XIRP2: variants seen among roughly 807,000 people sequenced by gnomAD.
XIRP2 encodes the protein xin actin binding repeat containing 2.
XIRP2 carries 236 observed loss-of-function variants against 277.0 expected under a neutral mutation model. The ratio of observed to expected loss-of-function variants is 0.85; its 90% CI spans 0.77 to 0.95. The LOEUF (loss-of-function observed/expected upper bound fraction) is 0.95, where lower values mean the gene tolerates loss of function less well. Among genes scored for constraint, XIRP2 ranks in the 40% least tolerant of loss-of-function variants. The pLI is 0.00. For missense variants in XIRP2, 4,640 were observed against 4,157.5 expected (o/e 1.12, Z -3.19); for synonymous variants, 1,490 against 1,416.5 (o/e 1.05, Z -1.17).
In XIRP2 at chr2:167,170,920, G is replaced by A. The variant is rs1410757388; in HGVS notation, c.562+34858G>A. On this transcript the variant is annotated intron_variant, in intron 3 of 10. Coordinates refer to ENST00000409195, the MANE Select transcript of XIRP2 (RefSeq NM_152381.6). ...TTTTTTTTTTTTTTTTTTTTTTTGAGACAGAGTCTTTCTCTGTTGCCCAGG... is the reference window on the plus strand; with the variant it reads ...TTTTTTTTTTTTTTTTTTTTTTTGAAACAGAGTCTTTCTCTGTTGCCCAGG... 1.2e-4 allele frequency among the ~76,000 whole-genome samples: 12 copies of A among 96,226 alleles called. No individual in the cohort carries two copies. The East Asian group carries it at 3.9e-3, about 31-fold the overall frequency. 63.1% of individuals were successfully genotyped at this position (96,226 alleles called of 152,430 possible). A position where few individuals can be genotyped will look rare whatever the true frequency, so the allele number is the denominator to read the frequency against.
chr2:167,254,198 T>TC (rs755399294), intron 10 of XIRP2, 33 bp downstream of exon 10: 18 of 1,597,696 alleles, frequency 1.1e-5, no homozygotes, highest in Middle Eastern at 1.9e-4. Flanking sequence ...CCACAAATAT[T>TC]CCAGGAGCTG....
intron 3 of XIRP2, among the ~76,000 whole-genome samples, chr2:167,204,058 T>C (rs1305642858): frequency 2.6e-5 from 4 of 152,196 alleles, no homozygotes; most frequent in Non-Finnish European, 5.9e-5. Flanking sequence ...GCTTGCCTTC[T>C]TGAAGCTGGT....
intron 2 of XIRP2, among the ~76,000 whole-genome samples, chr2:166,962,489 A>T (rs185045714): frequency 6.6e-6 from 1 of 151,874 alleles, no homozygotes; most frequent in East Asian, 2.0e-4. Flanking sequence ...GGCAGAAAAA[A>T]TGCCTCATAC....
intron 3 of XIRP2, among the ~76,000 whole-genome samples, chr2:167,202,525 T>A (rs745471111): frequency 6.6e-6 from 1 of 152,196 alleles, no homozygotes; most frequent in African/African-American, 2.4e-5. Flanking sequence ...TAGAGTCTTA[T>A]CAGGTAGGCG....
At chr2:166,995,471 G>A (rs776673019) in intron 2 of XIRP2, among the ~76,000 whole-genome samples, 3 of 152,190 alleles carry the variant, frequency 2.0e-5, no homozygotes, top group Non-Finnish European at 4.4e-5. Flanking sequence ...CAATTTTAAA[G>A]ATGCAGAAGC....
chr2:166,974,594 G>A (rs1023815417), intron 2 of XIRP2, among the ~76,000 whole-genome samples: 1 of 151,862 alleles, frequency 6.6e-6, no homozygotes, highest in South Asian at 2.1e-4. Flanking sequence ...GTAGACTATG[G>A]TAATGATAAA....
chr2:167,177,736 C>G (rs1233370939), intron 3 of XIRP2, among the ~76,000 whole-genome samples: 1 of 152,134 alleles, frequency 6.6e-6, no homozygotes, highest in South Asian at 2.1e-4. Context: ...TGACAGTACT[C>G]TCGTATACCA....
At chr2:166,982,350 A>G (rs1170679574) in intron 2 of XIRP2, among the ~76,000 whole-genome samples, 2 of 150,252 alleles carry the variant, frequency 1.3e-5, no homozygotes, top group Non-Finnish European at 3.0e-5. Context: ...GTCTGGGTTA[A>G]TATTTACTGA....
chr2:167,172,964 C>T (rs565840343), intron 3 of XIRP2, among the ~76,000 whole-genome samples: 10 of 152,174 alleles, frequency 6.6e-5, no homozygotes, highest in East Asian at 5.8e-4. Flanking sequence ...TAAAGACAGG[C>T]GTAAGAAATT....
intron 2 of XIRP2, among the ~76,000 whole-genome samples, chr2:166,941,676 TC>T (rs1220758957): frequency 6.6e-6 from 1 of 152,204 alleles, no homozygotes; most frequent in African/African-American, 2.4e-5. Flanking sequence ...TCTATATTAT[TC>T]CTTAATGATG....
In XIRP2 at chr2:166,997,797, C is replaced by G. The variant is rs535701749; in HGVS notation, c.408+93907C>G. Among the ~76,000 whole-genome samples, 73 of 151,550 alleles carry G rather than the reference C, an allele frequency of 4.8e-4. No homozygotes were observed. In the South Asian group the frequency reaches 0.015, roughly 32 times the overall value. ...GCGGGCACCTGTAGTCCCAGCTACT[C>G]GGGAGGCTGAAGCAGGAGAATCACT... On this transcript the variant is annotated intron_variant, in intron 2 of 10. Coordinates refer to ENST00000409195, the MANE Select transcript of XIRP2 (RefSeq NM_152381.6).
At chr2:167,150,332 G>A (rs1440731101) in intron 3 of XIRP2, among the ~76,000 whole-genome samples, 1 of 151,968 alleles carries the variant, frequency 6.6e-6, no homozygotes, top group Non-Finnish European at 1.5e-5. Context: ...ATGATCACAT[G>A]AGGAGACATT....
At chr2:166,950,082 C>G (rs1415995628) in intron 2 of XIRP2, among the ~76,000 whole-genome samples, 2 of 151,932 alleles carry the variant, frequency 1.3e-5, no homozygotes, top group Non-Finnish European at 2.9e-5. Flanking sequence ...TAATTACATA[C>G]AGATAGTTTT....
At chr2:166,967,114 C>T (rs1302057705) in intron 2 of XIRP2, among the ~76,000 whole-genome samples, 1 of 151,852 alleles carries the variant, frequency 6.6e-6, no homozygotes, top group Non-Finnish European at 1.5e-5. Flanking sequence ...TCATAGTTGT[C>T]AGAATCCTGA....
At chr2:167,190,169 G>A (rs1693286687) in intron 3 of XIRP2, among the ~76,000 whole-genome samples, 1 of 152,122 alleles carries the variant, frequency 6.6e-6, no homozygotes, top group Non-Finnish European at 1.5e-5. Context: ...TCACCAGTCT[G>A]GCAGCTCACC....
intron 2 of XIRP2, among the ~76,000 whole-genome samples, chr2:166,927,803 G>T (rs143245454): frequency 1.2e-3 from 180 of 152,154 alleles, no homozygotes; most frequent in African/African-American, 4.2e-3. Context: ...GTGTGTGGGG[G>T]GATGGAGGCT....
At chr2:166,994,607 G>T (rs866901532) in intron 2 of XIRP2, among the ~76,000 whole-genome samples, 24 of 135,270 alleles carry the variant, frequency 1.8e-4, no homozygotes, top group Middle Eastern at 3.6e-3. Context: ...GGACAGCAAT[G>T]ATGTTAATGA....
intron 2 of XIRP2, among the ~76,000 whole-genome samples, chr2:166,954,079 A>T (rs1357722020): frequency 6.6e-6 from 1 of 151,840 alleles, no homozygotes. Flanking sequence ...TTTTTGTATA[A>T]CCCTACTGGG....
chr2:167,107,293 G>T (rs1026332718), intron 2 of XIRP2, among the ~76,000 whole-genome samples: 9 of 151,744 alleles, frequency 5.9e-5, no homozygotes, highest in African/African-American at 2.2e-4. Context: ...CAATCTTAAG[G>T]GAAAAGCATT....
Sources: gnomAD v4.1 joint callset for allele counts (sites outside exome capture counted in the v4.1 genomes callset) on GRCh38, gnomAD v4.1.1 for gene constraint, MANE v1.5 for transcripts, NCBI Gene and HGNC (gene_info 2026-07-23, HGNC 2026-07-21) for gene names.